The following ANKS1B variants were observed in gnomAD, a reference collection of about 807,000 sequenced individuals.
ANKS1B encodes the protein ankyrin repeat and sterile alpha motif domain containing 1B, also known as ankyrin repeat and sterile alpha motif domain-containing protein 1B.
ANKS1B carries 36 observed loss-of-function variants against 148.3 expected under a neutral mutation model. The ratio of observed to expected loss-of-function variants is 0.24; its 90% confidence interval spans 0.19 to 0.32. ANKS1B has a LOEUF of 0.32. Among genes scored for constraint, ANKS1B ranks in the 10% least tolerant of loss-of-function variants. ANKS1B has a pLI of 1.00. For missense variants in ANKS1B, 1,157 were observed against 1,542.6 expected, an observed-to-expected ratio of 0.75 and a Z score of 4.19; for synonymous variants, 542 against 560.8, an observed-to-expected ratio of 0.97 and a Z score of 0.47.
At chr12:99,549,729 A>AC (rs2097201201) in intron 9 of ANKS1B, among the ~76,000 whole-genome samples, 1 of 152,230 alleles carries the variant, frequency 6.6e-6, no homozygotes, top group East Asian at 1.9e-4. Context: ...GCATGAACTA[A>AC]CCTAGTTCAG....
At chr12:99,653,373 A>C (rs1209869729) in intron 9 of ANKS1B, among the ~76,000 whole-genome samples, 1 of 152,216 alleles carries the variant, frequency 6.6e-6, no homozygotes, top group Non-Finnish European at 1.5e-5. Flanking sequence ...GTATTTTTAC[A>C]AATGCAGTTT....
intron 25 of ANKS1B, among the ~76,000 whole-genome samples, chr12:98,769,750 G>A (rs1241087139): frequency 6.6e-6 from 1 of 152,076 alleles, no homozygotes; most frequent in Non-Finnish European, 1.5e-5. Context: ...TCTGATGAAG[G>A]CAAATTATAT....
Position 99,047,632 on chromosome 12 carries a change from G to A in ANKS1B, c.2778+5525C>T, listed in dbSNP as rs537818953. ...ATGTATAGAGGAACAACAAAATGGC[G>A]GCAGGTTTCTTGTTAGAAATAAAGC... On this transcript the variant is annotated intron_variant, in intron 17 of 26. Transcript: ENST00000683438. Among the ~76,000 whole-genome samples, 25 of 152,252 alleles carry A rather than the reference G, an allele frequency of 1.6e-4. No individual in the cohort carries two copies. In the South Asian group the frequency reaches 2.7e-3, roughly 16 times the overall value.
chr12:99,046,187 C>T (rs2099962212), intron 17 of ANKS1B, among the ~76,000 whole-genome samples: 1 of 152,142 alleles, frequency 6.6e-6, no homozygotes, highest in South Asian at 2.1e-4. Flanking sequence ...CCTTGCCTAA[C>T]CTTAAAAGCA....
intron 9 of ANKS1B, among the ~76,000 whole-genome samples, chr12:99,576,504 T>C (rs2097521814): frequency 6.6e-6 from 1 of 152,054 alleles, no homozygotes. Context: ...TCTCAGCAAA[T>C]TCAAAGAAAC....
chr12:99,372,140 T>C (rs1310352422), intron 12 of ANKS1B, among the ~76,000 whole-genome samples: 1 of 152,030 alleles, frequency 6.6e-6, no homozygotes, highest in East Asian at 1.9e-4. Flanking sequence ...TGGGTAATAA[T>C]GGTGTGTTAA....
intron 16 of ANKS1B, among the ~76,000 whole-genome samples, chr12:99,075,535 C>G (rs997367621): frequency 2.0e-5 from 3 of 152,184 alleles, no homozygotes; most frequent in African/African-American, 7.2e-5. Context: ...TAAAAGGGAT[C>G]TGAATGACTT....
At chr12:99,249,994 A>G (rs1409950353) in intron 12 of ANKS1B, among the ~76,000 whole-genome samples, 1 of 152,220 alleles carries the variant, frequency 6.6e-6, no homozygotes, top group Non-Finnish European at 1.5e-5. Flanking sequence ...CCATTGAAAG[A>G]TAGACGCTCT....
intron 10 of ANKS1B, among the ~76,000 whole-genome samples, chr12:99,460,315 G>T (rs2095932129): frequency 6.6e-6 from 1 of 152,076 alleles, no homozygotes; most frequent in South Asian, 2.1e-4. Context: ...AACAATTCTA[G>T]GAGATAACAT....
intron 12 of ANKS1B, among the ~76,000 whole-genome samples, chr12:99,322,347 C>T (rs1411605657): frequency 6.6e-6 from 1 of 151,608 alleles, no homozygotes; most frequent in Non-Finnish European, 1.5e-5. Flanking sequence ...CACACCAATG[C>T]CTGTTGTGGG....
chr12:99,976,260 A>G (rs900471680), intron 1 of ANKS1B, among the ~76,000 whole-genome samples: 4 of 152,220 alleles, frequency 2.6e-5, no homozygotes, highest in Admixed American at 2.6e-4. Context: ...CCTAGGTGAC[A>G]GGATCCATGC....
chr12:99,767,405 T>TAA (rs146590603), intron 8 of ANKS1B, among the ~76,000 whole-genome samples: 2 of 147,964 alleles, frequency 1.4e-5, no homozygotes, highest in South Asian at 2.2e-4. Context: ...TACAAATGTT[T>TAA]AAAAAAAAAA....
At chr12:99,440,058 G>A (rs2095524703) in intron 11 of ANKS1B, among the ~76,000 whole-genome samples, 1 of 151,598 alleles carries the variant, frequency 6.6e-6, no homozygotes, top group African/African-American at 2.4e-5. Flanking sequence ...ACTCACCATA[G>A]GATTCCATTT....
intron 17 of ANKS1B, among the ~76,000 whole-genome samples, chr12:99,025,996 C>T (rs1375984873): frequency 1.3e-5 from 2 of 152,118 alleles, no homozygotes; most frequent in South Asian, 4.1e-4. Context: ...TGCTTTATGG[C>T]CTACTCCAAA....
rs904252524 is a variant in ANKS1B, at chr12:98,758,969, TG to T, written c.3580-7448del. Among the ~76,000 whole-genome samples the T allele has an allele frequency of 1.5e-4, 23 of 149,796 alleles. 1 individual carries two copies. The highest frequency in any genetic ancestry group is 1.3e-3 in the Admixed American group (20 of 14,944). On this transcript the variant is annotated intron_variant, in intron 25 of 26. Transcript: ENST00000683438. Reference sequence around the variant, plus strand: ...TTTTTTTTTTTTTTTATGGCAGAGATGGGGTTTCACTGTGTTGGCCAGGCTG... The same window carrying T: ...TTTTTTTTTTTTTTTATGGCAGAGATGGGTTTCACTGTGTTGGCCAGGCTG...
intron 17 of ANKS1B, among the ~76,000 whole-genome samples, chr12:98,888,589 C>T (rs774811086): frequency 2.0e-5 from 3 of 152,242 alleles, no homozygotes; most frequent in Non-Finnish European, 4.4e-5. Context: ...GATTCAGTCA[C>T]GCTGGACTGC....
At chr12:98,849,544 T>C (rs1329117024) in intron 17 of ANKS1B, among the ~76,000 whole-genome samples, 1 of 152,196 alleles carries the variant, frequency 6.6e-6, no homozygotes, top group Admixed American at 6.5e-5. Flanking sequence ...GTATGGCTTG[T>C]TTTTTGTTTC....
rs578140224 is a variant in ANKS1B, at chr12:99,703,038, C to A, written c.1129-47828G>T. ...ATTTTTGCAATTTAGATTTCATTCT[C>A]TTTCATTATAAATTTTGTTTCTCCA... On this transcript the variant is annotated intron_variant, in intron 8 of 26. Transcript: ENST00000683438. 2.6e-5 allele frequency among the ~76,000 whole-genome samples: 4 copies of A among 152,192 alleles called. No homozygotes were observed. The East Asian group carries it at 7.7e-4, about 29-fold the overall frequency.
At chr12:99,570,446 G>A (rs2097441474) in intron 9 of ANKS1B, among the ~76,000 whole-genome samples, 1 of 152,036 alleles carries the variant, frequency 6.6e-6, no homozygotes, top group Non-Finnish European at 1.5e-5. Flanking sequence ...AGGAGATCAA[G>A]ACCATCCTGG....
Sources: allele counts gnomAD v4.1 joint callset (sites outside exome capture counted in the v4.1 genomes callset), GRCh38; gene constraint gnomAD v4.1.1; transcripts MANE v1.5; gene names NCBI Gene and HGNC (gene_info 2026-07-23, HGNC 2026-07-21).